HS6ST3: variants seen among roughly 807,000 people sequenced by gnomAD.
HS6ST3 encodes heparan sulfate 6-O-sulfotransferase 3, also known as heparan-sulfate 6-O-sulfotransferase 3.
A neutral mutation model predicts 36.7 loss-of-function variants in HS6ST3; 12 were observed. The observed-to-expected ratio is 0.33, with a 90% CI of 0.21 to 0.53. The LOEUF (loss-of-function observed/expected upper bound fraction) is 0.53, where lower values mean the gene tolerates loss of function less well. HS6ST3 is among the 20% of genes least tolerant of loss of function. HS6ST3 has a pLI of 0.95. For synonymous variants in HS6ST3, 240 were observed against 257.5 expected (o/e 0.93, Z 0.65); for missense variants, 584 against 640.9 (o/e 0.91, Z 0.96).
chr13:96,121,003 G>A (rs947531951), intron 1 of HS6ST3, among the ~76,000 whole-genome samples: 1 of 152,160 alleles, frequency 6.6e-6, no homozygotes, highest in African/African-American at 2.4e-5. Context: ...GGGCTGGATA[G>A]GAAAAGTGCC....
intron 1 of HS6ST3, among the ~76,000 whole-genome samples, chr13:96,631,961 TC>T (rs1237209991): frequency 3.9e-5 from 6 of 152,142 alleles, no homozygotes; most frequent in Non-Finnish European, 8.8e-5. Context: ...ATTGGGCTCT[TC>T]CGTTGATTGG....
intron 1 of HS6ST3, among the ~76,000 whole-genome samples, chr13:96,378,413 A>G (rs547578894): frequency 3.3e-5 from 5 of 152,212 alleles, no homozygotes; most frequent in African/African-American, 4.8e-5. Context: ...ACAATCTTAG[A>G]AGAACTCTTC....
chr13:96,711,301 T>C (rs972376918), intron 1 of HS6ST3, among the ~76,000 whole-genome samples: 1 of 152,174 alleles, frequency 6.6e-6, no homozygotes, highest in Non-Finnish European at 1.5e-5. Flanking sequence ...CCAGCAGTCA[T>C]AGAACTATTT....
intron 1 of HS6ST3, among the ~76,000 whole-genome samples, chr13:96,263,603 A>C (rs2054676995): frequency 6.6e-6 from 1 of 152,222 alleles, no homozygotes; most frequent in South Asian, 2.1e-4. Context: ...AAAATTATTC[A>C]AGAAATGTGA....
intron 1 of HS6ST3, among the ~76,000 whole-genome samples, chr13:96,113,067 A>C (rs1312204430): frequency 6.6e-6 from 1 of 152,124 alleles, no homozygotes; most frequent in African/African-American, 2.4e-5. Context: ...CACTGCCCTC[A>C]TGGTGTGTGT....
chr13:96,514,698 A>C (rs2389695), intron 1 of HS6ST3, among the ~76,000 whole-genome samples: 1 of 152,048 alleles, frequency 6.6e-6, no homozygotes, highest in Admixed American at 6.5e-5. Flanking sequence ...CTGTGAGAAA[A>C]AAATGTCTCT....
chr13:96,457,468 T>C (rs1274674824), intron 1 of HS6ST3, among the ~76,000 whole-genome samples: 1 of 152,172 alleles, frequency 6.6e-6, no homozygotes, highest in Non-Finnish European at 1.5e-5. Flanking sequence ...AACACATAAA[T>C]AGTATTTCAG....
intron 1 of HS6ST3, among the ~76,000 whole-genome samples, chr13:96,426,260 C>T (rs915235549): frequency 2.6e-5 from 4 of 152,148 alleles, no homozygotes; most frequent in Non-Finnish European, 5.9e-5. Context: ...ATTGTTCGCA[C>T]TGCCTCTATT....
chr13:96,344,082 A>G (rs1293800210), intron 1 of HS6ST3, among the ~76,000 whole-genome samples: 1 of 151,966 alleles, frequency 6.6e-6, no homozygotes, highest in Non-Finnish European at 1.5e-5. Context: ...TATCTTATTT[A>G]TTTTAACCTT....
chr13:96,394,284 C>G (rs1331200412), intron 1 of HS6ST3, among the ~76,000 whole-genome samples: 1 of 147,682 alleles, frequency 6.8e-6, no homozygotes, highest in Non-Finnish European at 1.5e-5. Flanking sequence ...ACACACTCAC[C>G]CAGCTTCCCC....
At chr13:96,770,545 G>A (rs1026868847) in intron 1 of HS6ST3, among the ~76,000 whole-genome samples, 4 of 152,124 alleles carry the variant, frequency 2.6e-5, no homozygotes, top group Non-Finnish European at 5.9e-5. Flanking sequence ...TATGGTAAAT[G>A]ATAATGCAAA....
chr13:96,671,409 T>C (rs1275414042), intron 1 of HS6ST3, among the ~76,000 whole-genome samples: 2 of 152,176 alleles, frequency 1.3e-5, no homozygotes, highest in African/African-American at 4.8e-5. Flanking sequence ...TACAAAGATG[T>C]ATCCTGGATC....
intron 1 of HS6ST3, among the ~76,000 whole-genome samples, chr13:96,391,621 G>A (rs1594769814): frequency 6.6e-6 from 1 of 152,172 alleles, no homozygotes; most frequent in Non-Finnish European, 1.5e-5. Flanking sequence ...CACATGGCTG[G>A]GGAGGCCTCA....
At chr13:96,154,813 C>A (rs973384283) in intron 1 of HS6ST3, among the ~76,000 whole-genome samples, 1 of 151,938 alleles carries the variant, frequency 6.6e-6, no homozygotes, top group Non-Finnish European at 1.5e-5. Flanking sequence ...TGATTACTCA[C>A]CTAGAATATT....
At chr13:96,653,212 T>TA (rs1235390712) in intron 1 of HS6ST3, among the ~76,000 whole-genome samples, 2 of 149,292 alleles carry the variant, frequency 1.3e-5, no homozygotes, top group South Asian at 2.1e-4. Flanking sequence ...TTTTTATATA[T>TA]TTTTTTTATT....
intron 1 of HS6ST3, among the ~76,000 whole-genome samples, chr13:96,305,524 A>G (rs978567067): frequency 6.6e-6 from 1 of 152,222 alleles, no homozygotes; most frequent in Admixed American, 6.5e-5. Flanking sequence ...CTGTGTAAAT[A>G]TACATATTCC....
intron 1 of HS6ST3, among the ~76,000 whole-genome samples, chr13:96,275,586 T>G (rs1018463204): frequency 2.0e-5 from 3 of 152,202 alleles, no homozygotes; most frequent in African/African-American, 7.2e-5. Context: ...CACAACATAC[T>G]TTCTCCAGTT....
At chr13:96,099,947 T>G (rs2139294286) in intron 1 of HS6ST3, among the ~76,000 whole-genome samples, 1 of 152,286 alleles carries the variant, frequency 6.6e-6, no homozygotes, top group South Asian at 2.1e-4. Context: ...ATGTGGTAAC[T>G]TAATGCGTGT....
At chr13:96,148,471 G>A (rs1489447651) in intron 1 of HS6ST3, among the ~76,000 whole-genome samples, 1 of 152,172 alleles carries the variant, frequency 6.6e-6, no homozygotes, top group Non-Finnish European at 1.5e-5. Context: ...GTGAGATTGT[G>A]CTAGTATTTA....
Sources: gnomAD v4.1 joint callset for allele counts (sites outside exome capture counted in the v4.1 genomes callset) on GRCh38, gnomAD v4.1.1 for gene constraint, MANE v1.5 for transcripts, NCBI Gene and HGNC (gene_info 2026-07-23, HGNC 2026-07-21) for gene names.